Variants in SLC5A4 observed in about 807,000 individuals in gnomAD.
The protein encoded by SLC5A4 is solute carrier family 5 member 4, also known as probable glucose sensor protein SLC5A4.
SLC5A4 carries 55 observed loss-of-function variants against 70.3 expected under a neutral mutation model. That is an observed-to-expected ratio of 0.78 (90% CI 0.63 to 0.98). The LOEUF is 0.98. SLC5A4 is among the 50% of genes least tolerant of loss of function. The pLI is 0.00. For synonymous variants in SLC5A4, 268 were observed against 305.7 expected (o/e 0.88, Z 1.29); for missense variants, 735 against 839.2 (o/e 0.88, Z 1.53).
At chr22:32,340,984 G>A in the SLC5A4 span, among the ~76,000 whole-genome samples, 6 of 152,232 alleles carry the variant, frequency 3.9e-5, no homozygotes, top group South Asian at 4.1e-4. Flanking sequence ...GGGTGGGTGC[G>A]GATGGATTCT....
At chr22:32,243,165 C>A (rs1926633294) in intron 5 of SLC5A4, among the ~76,000 whole-genome samples, 1 of 152,114 alleles carries the variant, frequency 6.6e-6, no homozygotes, top group Non-Finnish European at 1.5e-5. Context: ...ATCACTTATG[C>A]AGTATTCCAG....
chr22:32,312,386 C>CACACACACAT, the SLC5A4 span, among the ~76,000 whole-genome samples: 12,073 of 150,294 alleles, frequency 0.08, 588 homozygotes, highest in African/African-American at 0.15. Flanking sequence ...CACACACACA[C>CACACACACAT]GCACATTCAA....
chr22:32,246,147 G>A (rs1475827343), intron 5 of SLC5A4, among the ~76,000 whole-genome samples: 1 of 152,234 alleles, frequency 6.6e-6, no homozygotes, highest in Non-Finnish European at 1.5e-5. Context: ...ATTGTTTCAT[G>A]TGCAGAATTC....
At chr22:32,319,308 CT>C in the SLC5A4 span, among the ~76,000 whole-genome samples, 29 of 151,370 alleles carry the variant, frequency 1.9e-4, no homozygotes, top group Non-Finnish European at 3.8e-4. Flanking sequence ...CATCAGCTCT[CT>C]TGGGTCTCAG....
chr22:32,234,772 TA>T, intron 8 of SLC5A4, 100 bp downstream of exon 8: 1 of 902,862 alleles, frequency 1.1e-6, no homozygotes, highest in Non-Finnish European at 1.8e-6. Flanking sequence ...AAATGGAAAC[TA>T]AATGTTTTTC....
intron 9 of SLC5A4, among the ~76,000 whole-genome samples, chr22:32,232,216 G>A (rs1850475536): frequency 1.3e-5 from 2 of 152,118 alleles, no homozygotes; most frequent in African/African-American, 4.8e-5. Context: ...AGTGATGTTG[G>A]TCCCTTGATG....
intron 8 of SLC5A4, among the ~76,000 whole-genome samples, chr22:32,234,010 G>A (rs2123895231): frequency 6.6e-6 from 1 of 152,218 alleles, no homozygotes. Flanking sequence ...GGGGGAACAG[G>A]TGTGCTTGCA....
the SLC5A4 span, among the ~76,000 whole-genome samples, chr22:32,308,373 G>T: frequency 6.6e-6 from 1 of 152,202 alleles, no homozygotes. Context: ...CAGTGGAGGG[G>T]CCTGGGTGTG....
chr22:32,339,500 G>C, the SLC5A4 span, among the ~76,000 whole-genome samples: 1 of 152,180 alleles, frequency 6.6e-6, no homozygotes, highest in African/African-American at 2.4e-5. Context: ...CTAGAGTAGA[G>C]TACAGCTAGG....
At chr22:32,282,892 C>T in the SLC5A4 span, among the ~76,000 whole-genome samples, 7 of 152,212 alleles carry the variant, frequency 4.6e-5, no homozygotes, top group South Asian at 8.3e-4. Flanking sequence ...TCTCTCCACC[C>T]GGCCCCGTTT....
At chr22:32,231,135 T>C in intron 9 of SLC5A4, 60 bp from the exon 10 acceptor site, 1 of 973,014 alleles carries the variant, frequency 1.0e-6, no homozygotes, top group Admixed American at 1.8e-5. Flanking sequence ...CAACAACCAT[T>C]AAACAAAGAG....
the SLC5A4 span, chr22:32,276,853 G>C: frequency 3.3e-5 from 5 of 152,138 alleles, no homozygotes; most frequent in African/African-American, 4.8e-5. Context: ...TTTTGATTTG[G>C]AATAATATAT....
the SLC5A4 span, chr22:32,272,808 C>T: frequency 1.5e-4 from 78 of 511,416 alleles, no homozygotes; most frequent in East Asian, 3.1e-3. Flanking sequence ...TCGCGTGGTT[C>T]GCCACCCAGG....
chr22:32,239,556 A>ATATATT (rs1926328121), intron 5 of SLC5A4, among the ~76,000 whole-genome samples: 1 of 20,888 alleles, frequency 4.8e-5, no homozygotes, highest in Non-Finnish European at 9.0e-5. Context: ...ATATATATAT[A>ATATATT]TATATATATA....
chr22:32,269,879 C>T, the SLC5A4 span: 1 of 583,196 alleles, frequency 1.7e-6, no homozygotes, highest in South Asian at 1.5e-5. This position sits in a 1 kb window ranked among gnomAD's most constrained non-coding sequence, Gnocchi z 4.1. Context: ...TGCGTAGCGT[C>T]CGAGTGTTCC....
chr22:32,226,649 G>T (rs1289448343), intron 11 of SLC5A4, among the ~76,000 whole-genome samples: 1 of 152,114 alleles, frequency 6.6e-6, no homozygotes, highest in Non-Finnish European at 1.5e-5. Flanking sequence ...CCACAGTAAG[G>T]ATTCAATAAA....
At chr22:32,341,597 C>A in the SLC5A4 span, among the ~76,000 whole-genome samples, 1 of 152,206 alleles carries the variant, frequency 6.6e-6, no homozygotes, top group East Asian at 1.9e-4. Context: ...CCGTGAACAG[C>A]GGGGAAGGCT....
chr22:32,293,653 C>G, the SLC5A4 span, among the ~76,000 whole-genome samples: 72,506 of 151,564 alleles, frequency 0.48, 17,455 homozygotes, highest in Admixed American at 0.51. Flanking sequence ...GCCATCAAAT[C>G]AGCCATTCTT....
chr22:32,330,724 G>A, the SLC5A4 span, among the ~76,000 whole-genome samples: 1 of 118,054 alleles, frequency 8.5e-6, no homozygotes, highest in Non-Finnish European at 1.7e-5. Flanking sequence ...GGGCTCTGGT[G>A]TGTATGTTGG....
Sources: gnomAD v4.1 joint callset for allele counts (sites outside exome capture counted in the v4.1 genomes callset) on GRCh38, gnomAD v4.1.1 for gene constraint, Gnocchi (gnomAD v3.1) non-coding constraint, MANE v1.5 for transcripts, NCBI Gene and HGNC (gene_info 2026-07-23, HGNC 2026-07-21) for gene names.